Variants in DNAI3 observed in about 807,000 individuals in gnomAD.
DNAI3 encodes the protein WD repeat domain 63.
DNAI3 carries 83 observed loss-of-function variants against 115.5 expected under a neutral mutation model. The observed-to-expected ratio is 0.72, with a 90% CI of 0.60 to 0.86. The LOEUF (loss-of-function observed/expected upper bound fraction) is 0.86, where lower values mean the gene tolerates loss of function less well. DNAI3 is among the 40% of genes least tolerant of loss of function. The pLI is 0.00. For missense variants in DNAI3, 1,004 were observed against 1,075.8 expected (o/e 0.93, Z 0.93); for synonymous variants, 320 against 347.0 (o/e 0.92, Z 0.86).
intron 1 of DNAI3, among the ~76,000 whole-genome samples, chr1:85,066,315 T>A (rs2006932): frequency 0.086 from 1,784 of 20,792 alleles, 36 homozygotes; most frequent in Non-Finnish European, 0.11. Context: ...TCTGCTACTC[T>A]TTTTTTTTTT....
chr1:85,090,143 A>G lies in DNAI3; in HGVS notation c.768A>G (p.Gln256=). 2 of 1,583,190 alleles carry G rather than the reference A, an allele frequency of 1.3e-6. No individual in the cohort carries two copies. The highest frequency in any genetic ancestry group is 1.7e-6 in the Non-Finnish European group (2 of 1,167,824). Reference sequence around the variant, plus strand: ...CATATCCTAAAAATGCTACTACGCAATATTATCCAAGAGAATTCTCAGAAG... The same window carrying G: ...CATATCCTAAAAATGCTACTACGCAGTATTATCCAAGAGAATTCTCAGAAG... ...KWTYPKNATT[Q]YYPREFSEEE... is the part of the protein sequence containing the mutation. Residue 256 remains glutamine (Q), a synonymous_variant, in exon 8 of 23, where the codon CAA becomes CAG. Coordinates refer to ENST00000294664, the MANE Select transcript of DNAI3 (RefSeq NM_145172.5).
chr1:85,070,094 C>T (rs1301553013), intron 1 of DNAI3, among the ~76,000 whole-genome samples: 1 of 152,032 alleles, frequency 6.6e-6, no homozygotes, highest in Non-Finnish European at 1.5e-5. Flanking sequence ...AGCCCCGTCT[C>T]TACTAAAAAT....
chr1:85,124,168 A>T lies in DNAI3; in HGVS notation c.2029A>T (p.Thr677Ser). The T allele has an allele frequency of 6.2e-7, 1 of 1,614,210 alleles. No individual in the cohort carries two copies. Among genetic ancestry groups the T allele is most frequent in the Non-Finnish European group, 8.5e-7 (1 of 1,180,038 alleles). ...HHTIHDGTVH[T>S]IQRSPFYNDI... ...CACCATTCACGACGGAACTGTCCAC[A>T]CTATTCAGAGATCACCTTTCTACAA... is the stretch of plus-strand genomic sequence containing the variant. The change falls in exon 19 of 23, where the codon ACT (threonine) becomes TCT (serine). Residue 677 changes from threonine to serine, a missense_variant. Transcript: ENST00000294664.
At chr1:85,107,748 A>G (rs984959931) in intron 14 of DNAI3, among the ~76,000 whole-genome samples, 1 of 152,226 alleles carries the variant, frequency 6.6e-6, no homozygotes, top group Non-Finnish European at 1.5e-5. Flanking sequence ...TGAATGTTGT[A>G]GTATATGATT....
chr1:85,072,915 AC>A (rs1399966463), intron 2 of DNAI3, 138 bp from the exon 3 acceptor site: 1 of 411,468 alleles, frequency 2.4e-6, no homozygotes, highest in South Asian at 4.9e-5. Flanking sequence ...AGATAGCGCC[AC>A]TGCCCTCCAG....
Position 85,094,641 on chromosome 1 carries a change from T to C in DNAI3, c.1173+86T>C, listed in dbSNP as rs938564110. 8.5e-5 allele frequency: 124 copies of C among 1,463,824 alleles called. 2 individuals are homozygous for C. The highest frequency in any genetic ancestry group is 1.1e-4 in the Non-Finnish European group (116 of 1,084,224). The allele number at this position is 1,463,824 out of a possible 1,614,324, so 90.7% of individuals were successfully genotyped here. ...TTAGCAGTTTTTATTGCAAAGTACT[T>C]TATAATCATGTAATGTTGTAAACAT... On this transcript the variant is annotated intron_variant, in intron 10 of 22. Transcript: ENST00000294664.
At chr1:85,074,959 T>G (rs1029510705) in intron 3 of DNAI3, among the ~76,000 whole-genome samples, 3 of 152,250 alleles carry the variant, frequency 2.0e-5, no homozygotes, top group African/African-American at 7.2e-5. Flanking sequence ...CCTATCTAAA[T>G]AGACCACCAC....
intron 5 of DNAI3, 85 bp from the exon 6 acceptor site, chr1:85,084,461 A>T (rs989920250): frequency 1.1e-5 from 11 of 1,008,242 alleles, no homozygotes; most frequent in Non-Finnish European, 1.3e-5. Context: ...ATAAAAGTAA[A>T]GTTTGTTGCA....
chr1:85,096,552 C>T (rs1009170216), intron 11 of DNAI3, among the ~76,000 whole-genome samples: 5 of 148,118 alleles, frequency 3.4e-5, no homozygotes, highest in African/African-American at 9.9e-5. Flanking sequence ...ATCTCAATAC[C>T]GTTTGCTTTT....
chr1:85,112,151 A>G (rs1655678291), intron 16 of DNAI3, among the ~76,000 whole-genome samples: 6 of 152,140 alleles, frequency 3.9e-5, no homozygotes, highest in Admixed American at 3.9e-4. Context: ...TCCTGGGCTC[A>G]AGCAATCCTC....
rs1034779024 is a variant in DNAI3, at chr1:85,081,017, A to G, written c.104-217A>G. 1.4e-4 allele frequency among the ~76,000 whole-genome samples: 21 copies of G among 152,154 alleles called. 1 individual carries two copies. Among genetic ancestry groups the G allele is most frequent in the African/African-American group, 5.1e-4 (21 of 41,438 alleles). On this transcript the variant is annotated intron_variant, in intron 3 of 22. Transcript: ENST00000294664. ...ATTAATAGAGGTTTTTCTTCTTGAGAGGTAGTATTATGGGCCATTGTTATT... is the reference window on the plus strand; with the variant it reads ...ATTAATAGAGGTTTTTCTTCTTGAGGGGTAGTATTATGGGCCATTGTTATT...
rs369301106 is a variant in DNAI3, at chr1:85,094,474, C to G, written c.1092C>G (p.Asp364Glu). 1 of 1,614,066 alleles carries G rather than the reference C, an allele frequency of 6.2e-7. No homozygotes were observed. Among genetic ancestry groups the G allele is most frequent in the Non-Finnish European group, 8.5e-7 (1 of 1,180,034 alleles). ...VSVAVRLSFE[D>E]RVHFSGKLLL... The stretch of plus-strand genomic sequence containing the variant: ...TAGCCGTGCGACTTTCTTTTGAAGA[C>G]AGAGTTCACTTTTCTGGTAAATTAT... Residue 364 changes from aspartate (D) to glutamate (E), a missense_variant, in exon 10 of 23, where the codon GAC becomes GAG. This residue lies in a region of DNAI3 where 550 missense variants were observed against 568.1 expected (regional missense o/e 0.97). Coordinates refer to ENST00000294664, the MANE Select transcript of DNAI3 (RefSeq NM_145172.5).
At chr1:85,116,414 T>C (rs1655817494) in intron 16 of DNAI3, among the ~76,000 whole-genome samples, 1 of 152,200 alleles carries the variant, frequency 6.6e-6, no homozygotes, top group Admixed American at 6.5e-5. Context: ...GGGTCTTGTC[T>C]CCCCTTGTGA....
intron 16 of DNAI3, among the ~76,000 whole-genome samples, chr1:85,112,163 T>C (rs1655678464): frequency 6.6e-6 from 1 of 152,144 alleles, no homozygotes. Context: ...GCAATCCTCC[T>C]GTCTTAGCCT....
chr1:85,103,574 G>A (rs535272562), intron 13 of DNAI3, among the ~76,000 whole-genome samples: 6 of 152,204 alleles, frequency 3.9e-5, no homozygotes, highest in South Asian at 2.1e-4. Context: ...TATATCATCC[G>A]TATATTATAA....
rs190934539 is a variant in DNAI3, at chr1:85,081,856, G to A, written c.285+441G>A. ...GGGTTTTGCCATGTTGCTCAAGCTG[G>A]TCTCAAACTCCTGAGCTCAAGTGAT... On this transcript the variant is annotated intron_variant, in intron 4 of 22. Transcript: ENST00000294664. 2.6e-3 allele frequency among the ~76,000 whole-genome samples: 395 copies of A among 152,262 alleles called. 8 individuals carry two copies. Among genetic ancestry groups the A allele is most frequent in the Non-Finnish European group, 1.8e-4 (12 of 68,008 alleles).
chr1:85,127,391 T>C (rs1466419585), intron 20 of DNAI3, among the ~76,000 whole-genome samples: 2 of 152,134 alleles, frequency 1.3e-5, no homozygotes, highest in Non-Finnish European at 2.9e-5. Context: ...TCTATGTAAA[T>C]CCAGTATGTT....
At chr1:85,066,618 G>A (rs551725220) in intron 1 of DNAI3, among the ~76,000 whole-genome samples, 21 of 152,118 alleles carry the variant, frequency 1.4e-4, no homozygotes, top group African/African-American at 4.6e-4. Flanking sequence ...GTGAGCCACT[G>A]CACCTGGCCT....
At chr1:85,086,654 T>C (rs554620259) in intron 7 of DNAI3, among the ~76,000 whole-genome samples, 2 of 152,234 alleles carry the variant, frequency 1.3e-5, no homozygotes, top group African/African-American at 4.8e-5. Context: ...AATGATATTG[T>C]TCTAATTACT....
Sources: gnomAD v4.1 joint callset for allele counts (sites outside exome capture counted in the v4.1 genomes callset) on GRCh38, gnomAD v4.1.1 for gene constraint, gnomAD v4.1.1 regional missense constraint, MANE v1.5 for transcripts, NCBI Gene and HGNC (gene_info 2026-07-23, HGNC 2026-07-21) for gene names.